Variants in CTNNA3 observed in about 807,000 individuals in gnomAD.
The protein encoded by CTNNA3 is catenin alpha 3.
Under a neutral mutation model 95.7 loss-of-function variants are expected in CTNNA3, and 76 were observed. The ratio of observed to expected loss-of-function variants is 0.79; its 90% CI spans 0.66 to 0.96. CTNNA3 has a LOEUF of 0.96. Among genes scored for constraint, CTNNA3 ranks in the 40% least tolerant of loss-of-function variants. CTNNA3 has a pLI of 0.00. For missense variants in CTNNA3, 1,191 were observed against 1,089.8 expected, an observed-to-expected ratio of 1.09 and a Z score of -1.31; for synonymous variants, 431 against 374.4, an observed-to-expected ratio of 1.15 and a Z score of -1.74.
At chr10:67,576,656 A>C (rs1448567195) in intron 3 of CTNNA3, among the ~76,000 whole-genome samples, 1 of 143,246 alleles carries the variant, frequency 7.0e-6, no homozygotes, top group Non-Finnish European at 1.5e-5. Flanking sequence ...TGCACCCATT[A>C]ACTTGTCATT....
chr10:66,585,657 G>T (rs916016670), intron 10 of CTNNA3, among the ~76,000 whole-genome samples: 1 of 151,528 alleles, frequency 6.6e-6, no homozygotes, highest in African/African-American at 2.4e-5. Flanking sequence ...CAACTTTTTT[G>T]AATTATTTAT....
chr10:65,958,801 C>T (rs2077783704), intron 17 of CTNNA3, among the ~76,000 whole-genome samples: 2 of 152,164 alleles, frequency 1.3e-5, no homozygotes, highest in African/African-American at 2.4e-5. Context: ...CAGTCAGCCC[C>T]TACTGGGAGG....
chr10:66,689,397 G>A (rs1293959057), intron 9 of CTNNA3, among the ~76,000 whole-genome samples: 1 of 152,126 alleles, frequency 6.6e-6, no homozygotes, highest in Non-Finnish European at 1.5e-5. Context: ...ATTAATTCCT[G>A]AGAAATTGCC....
At chr10:66,562,322 C>T (rs933051088) in intron 10 of CTNNA3, among the ~76,000 whole-genome samples, 1 of 151,994 alleles carries the variant, frequency 6.6e-6, no homozygotes, top group East Asian at 1.9e-4. Context: ...CATTATTACC[C>T]TCATTTCAAA....
chr10:67,456,849 A>G (rs543478171), intron 5 of CTNNA3, among the ~76,000 whole-genome samples: 17 of 152,284 alleles, frequency 1.1e-4, no homozygotes, highest in African/African-American at 4.1e-4. Context: ...AGATGTTCAC[A>G]GCAATGTAAC....
Position 67,626,785 on chromosome 10 carries a change from G to T in CTNNA3, c.100-19736C>A, listed in dbSNP as rs553359784. Among the ~76,000 whole-genome samples the T allele has an allele frequency of 1.0e-4, 15 of 146,816 alleles. No homozygotes were observed. In the South Asian group the frequency reaches 1.7e-3, roughly 17 times the overall value. Reference sequence around the variant, plus strand: ...TGTGTGTTGTATGTTGTGTCTACATGTATGTGTCTATACATGTGTTTGCAT... The same window carrying T: ...TGTGTGTTGTATGTTGTGTCTACATTTATGTGTCTATACATGTGTTTGCAT... On this transcript the variant is annotated intron_variant, in intron 2 of 17. Transcript: ENST00000433211.
At chr10:66,773,778 G>A (rs1840188622) in intron 8 of CTNNA3, among the ~76,000 whole-genome samples, 1 of 152,146 alleles carries the variant, frequency 6.6e-6, no homozygotes, top group Admixed American at 6.5e-5. Flanking sequence ...CAAGATGGGA[G>A]TATCTTCTTA....
chr10:66,205,867 A>T (rs2087723388), intron 13 of CTNNA3, among the ~76,000 whole-genome samples: 1 of 151,974 alleles, frequency 6.6e-6, no homozygotes, highest in Admixed American at 6.6e-5. Context: ...TAAAGAAAAA[A>T]CAATATAAAA....
chr10:67,284,912 A>G (rs1266332210), intron 5 of CTNNA3, among the ~76,000 whole-genome samples: 1 of 152,188 alleles, frequency 6.6e-6, no homozygotes, highest in Non-Finnish European at 1.5e-5. Context: ...AAGCCTGGAG[A>G]GACATAAGAC....
At chr10:66,724,369 A>C (rs902175558) in intron 9 of CTNNA3, among the ~76,000 whole-genome samples, 1 of 152,186 alleles carries the variant, frequency 6.6e-6, no homozygotes, top group Non-Finnish European at 1.5e-5. Context: ...GACCCTTAGA[A>C]AACACATGGT....
At chr10:66,231,356 G>A (rs146189102) in intron 13 of CTNNA3, among the ~76,000 whole-genome samples, 161 of 151,672 alleles carry the variant, frequency 1.1e-3, no homozygotes, top group Middle Eastern at 3.4e-3. Context: ...TTGATATTTC[G>A]TAATAGAAAA....
intron 1 of CTNNA3, among the ~76,000 whole-genome samples, chr10:67,756,339 T>C (rs1432916721): frequency 6.6e-6 from 1 of 152,210 alleles, no homozygotes; most frequent in Non-Finnish European, 1.5e-5. Context: ...CAAATGTTTC[T>C]AGCATAAAAA....
intron 1 of CTNNA3, among the ~76,000 whole-genome samples, chr10:67,746,769 A>G (rs1033934833): frequency 1.3e-5 from 2 of 152,220 alleles, no homozygotes; most frequent in Admixed American, 6.5e-5. Context: ...CAGATTCTCA[A>G]TAGCCATTCA....
intron 11 of CTNNA3, among the ~76,000 whole-genome samples, chr10:66,389,836 C>A (rs1021383037): frequency 6.6e-6 from 1 of 151,686 alleles, no homozygotes; most frequent in African/African-American, 2.4e-5. Context: ...ACTCTTGGGC[C>A]CAAGTGATCA....
intron 9 of CTNNA3, among the ~76,000 whole-genome samples, chr10:66,684,086 A>T (rs11593211): frequency 0.12 from 18,691 of 152,002 alleles, 1,588 homozygotes; most frequent in Middle Eastern, 0.18. Flanking sequence ...CAATAAGTTG[A>T]CCTCTCTGTA....
intron 15 of CTNNA3, among the ~76,000 whole-genome samples, chr10:66,056,720 A>T (rs1404744442): frequency 6.6e-6 from 1 of 152,156 alleles, no homozygotes; most frequent in Non-Finnish European, 1.5e-5. Context: ...TTGTCTATTC[A>T]GGTTTTGGAT....
intron 5 of CTNNA3, among the ~76,000 whole-genome samples, chr10:67,229,762 T>C (rs1865102156): frequency 1.3e-5 from 2 of 152,108 alleles, no homozygotes; most frequent in African/African-American, 4.8e-5. Flanking sequence ...GGAATATACC[T>C]AACAAAGGAG....
chr10:66,029,155 A>G (rs2079402679), intron 15 of CTNNA3, among the ~76,000 whole-genome samples: 1 of 152,162 alleles, frequency 6.6e-6, no homozygotes, highest in South Asian at 2.1e-4. Context: ...ATTTTCCTGC[A>G]TTCTTACATA....
Position 66,042,767 on chromosome 10 carries a change from G to T in CTNNA3, c.2159+26541C>A, listed in dbSNP as rs192924160. On this transcript the variant is annotated intron_variant, in intron 15 of 17. Transcript: ENST00000433211. ...ATAAAAAAATTAGCCAGGTGTGGTG[G>T]TGCATGCCTGTAATCACAGTTACAT... Among the ~76,000 whole-genome samples the T allele has an allele frequency of 2.9e-3, 441 of 151,412 alleles. 4 individuals are homozygous for T. The highest frequency in any genetic ancestry group is 0.019 in the East Asian group (97 of 5,122).
Sources: allele counts gnomAD v4.1 joint callset (sites outside exome capture counted in the v4.1 genomes callset), GRCh38; gene constraint gnomAD v4.1.1; transcripts MANE v1.5; gene names NCBI Gene and HGNC (gene_info 2026-07-23, HGNC 2026-07-21).